SHISA6: variants seen among roughly 807,000 people sequenced by gnomAD.
SHISA6 encodes protein shisa-6.
A neutral mutation model predicts 47.9 loss-of-function variants in SHISA6; 22 were observed. That is an observed-to-expected ratio of 0.46 (90% CI 0.33 to 0.66). The LOEUF is 0.66. SHISA6 is among the 30% of genes least tolerant of loss of function. SHISA6 has a pLI of 0.02. For missense variants in SHISA6, 680 were observed against 764.6 expected, an observed-to-expected ratio of 0.89 and a Z score of 1.30; for synonymous variants, 388 against 337.8, an observed-to-expected ratio of 1.15 and a Z score of -1.63.
At chr17:11,263,647 GC>G in intron 2 of SHISA6, 121 bp downstream of exon 2, 2 of 1,271,432 alleles carry the variant, frequency 1.6e-6, no homozygotes, top group Middle Eastern at 2.7e-4. Context: ...TCATGGACAG[GC>G]AGGCTGGCAA....
chr17:11,465,626 T>C (rs1199147221), intron 3 of SHISA6, among the ~76,000 whole-genome samples: 1 of 152,146 alleles, frequency 6.6e-6, no homozygotes. Context: ...TGACAGCTTC[T>C]CTAGAATGTT....
chr17:11,374,842 A>G (rs569971841), intron 2 of SHISA6, among the ~76,000 whole-genome samples: 3 of 152,040 alleles, frequency 2.0e-5, no homozygotes, highest in East Asian at 1.9e-4. Flanking sequence ...TAACACATAT[A>G]TAATTCATAT....
intron 3 of SHISA6, among the ~76,000 whole-genome samples, chr17:11,526,952 A>G (rs1236190133): frequency 7.3e-6 from 1 of 136,996 alleles, no homozygotes; most frequent in East Asian, 2.1e-4. Flanking sequence ...TGATCAAATC[A>G]GGGTATTTAG....
At chr17:11,515,321 G>A (rs916890262) in intron 3 of SHISA6, among the ~76,000 whole-genome samples, 4 of 104,086 alleles carry the variant, frequency 3.8e-5, no homozygotes, top group Non-Finnish European at 4.2e-5. Flanking sequence ...AAAAAGGAAG[G>A]AAGGAAGGAA....
intron 3 of SHISA6, among the ~76,000 whole-genome samples, chr17:11,457,624 G>A (rs561951459): frequency 3.6e-4 from 55 of 151,212 alleles, no homozygotes; most frequent in Admixed American, 1.2e-3. Flanking sequence ...ACCTGTAGTC[G>A]CAGCTACTTG....
At chr17:11,472,836 G>A (rs1250118164) in intron 3 of SHISA6, among the ~76,000 whole-genome samples, 1 of 152,106 alleles carries the variant, frequency 6.6e-6, no homozygotes, top group Non-Finnish European at 1.5e-5. Flanking sequence ...CCAGCATTTG[G>A]TGCTGTCACT....
chr17:11,534,157 C>CTTTTTTTTTTT (rs373384700), intron 3 of SHISA6, among the ~76,000 whole-genome samples: 106 of 93,148 alleles, frequency 1.1e-3, no homozygotes, highest in African/African-American at 3.4e-3. Context: ...TCTTTTTTTT[C>CTTTTTTTTTTT]TTTTTTTTTT....
intron 2 of SHISA6, among the ~76,000 whole-genome samples, chr17:11,350,166 A>ATT (rs1567581064): frequency 6.3e-5 from 7 of 110,952 alleles, no homozygotes; most frequent in African/African-American, 2.5e-4. Context: ...TAATTTATTT[A>ATT]TTTATTTATT....
At chr17:11,313,508 A>G (rs1910404046) in intron 2 of SHISA6, among the ~76,000 whole-genome samples, 1 of 152,200 alleles carries the variant, frequency 6.6e-6, no homozygotes, top group Admixed American at 6.5e-5. Context: ...GAAACGAGTA[A>G]TCAGACAGAC....
At chr17:11,331,507 T>C (rs184596025) in intron 2 of SHISA6, among the ~76,000 whole-genome samples, 9 of 152,242 alleles carry the variant, frequency 5.9e-5, no homozygotes, top group Admixed American at 5.2e-4. Flanking sequence ...CCTTCAGTTT[T>C]CTATTCTTAT....
chr17:11,292,447 A>G (rs1909586642), intron 2 of SHISA6, among the ~76,000 whole-genome samples: 1 of 152,180 alleles, frequency 6.6e-6, no homozygotes, highest in African/African-American at 2.4e-5. Context: ...CCCAGAATAT[A>G]AAGTAAAATA....
At chr17:11,261,362 C>T (rs989956565) in intron 1 of SHISA6, among the ~76,000 whole-genome samples, 1 of 152,224 alleles carries the variant, frequency 6.6e-6, no homozygotes, top group Non-Finnish European at 1.5e-5. Context: ...TGAGAAACAC[C>T]TTTTGCTGTA....
chr17:11,423,008 A>AAG (rs397771331), intron 3 of SHISA6, among the ~76,000 whole-genome samples: 1 of 150,808 alleles, frequency 6.6e-6, no homozygotes, highest in Non-Finnish European at 1.5e-5. Context: ...GAAAAAAAAA[A>AAG]CAGAGGGAAT....
At chr17:11,548,429 A>G (rs1440949938) in intron 3 of SHISA6, among the ~76,000 whole-genome samples, 1 of 131,160 alleles carries the variant, frequency 7.6e-6, no homozygotes, top group Non-Finnish European at 1.6e-5. Context: ...GTTATTTATG[A>G]ATGCATATTT....
chr17:11,386,886 A>C (rs1274334967), intron 3 of SHISA6, among the ~76,000 whole-genome samples: 1 of 152,224 alleles, frequency 6.6e-6, no homozygotes, highest in Non-Finnish European at 1.5e-5. Flanking sequence ...AGGACTGTCC[A>C]GTTTTAACAC....
intron 1 of SHISA6, among the ~76,000 whole-genome samples, chr17:11,245,237 G>C (rs961646631): frequency 6.6e-6 from 1 of 152,238 alleles, no homozygotes; most frequent in African/African-American, 2.4e-5. Flanking sequence ...AGGCAGAGCT[G>C]GGTGCTGGAT....
intron 3 of SHISA6, among the ~76,000 whole-genome samples, chr17:11,524,967 G>A (rs868862508): frequency 6.6e-6 from 1 of 152,110 alleles, no homozygotes; most frequent in South Asian, 2.1e-4. Context: ...ATGACGGGGG[G>A]GTAGATGATC....
Position 11,557,991 on chromosome 17 carries a change from C to T in SHISA6, c.1343C>T (p.Ser448Phe). 6.4e-7 allele frequency: 1 copy of T among 1,551,414 alleles called. No homozygotes were observed. The highest frequency in any genetic ancestry group is 8.7e-7 in the Non-Finnish European group (1 of 1,146,888). ...ATCCTGTCCGACGAGCAGCTGCTCTCCACGGAGCGCCTGCACTCCCAGGAC... is the reference window on the plus strand; with the variant it reads ...ATCCTGTCCGACGAGCAGCTGCTCTTCACGGAGCGCCTGCACTCCCAGGAC... ...DRILSDEQLL[S>F]TERLHSQDPL... Residue 448 changes from serine (S) to phenylalanine (F), a missense_variant, in exon 6 of 6, where the codon TCC becomes TTC. By Grantham distance (155) the Ser-to-Phe change is radical. Transcript: ENST00000441885.
chr17:11,520,167 A>G (rs2142362215), intron 3 of SHISA6, among the ~76,000 whole-genome samples: 1 of 152,280 alleles, frequency 6.6e-6, no homozygotes, highest in South Asian at 2.1e-4. Flanking sequence ...CCTACTTGAC[A>G]TCAACACTTA....
Sources: gnomAD v4.1 joint callset for allele counts (sites outside exome capture counted in the v4.1 genomes callset) on GRCh38, gnomAD v4.1.1 for gene constraint, MANE v1.5 for transcripts, NCBI Gene and HGNC (gene_info 2026-07-23, HGNC 2026-07-21) for gene names.